The following SPINK14 variants were observed in gnomAD, a reference collection of about 807,000 sequenced individuals.
The protein encoded by SPINK14 is serine peptidase inhibitor Kazal type 14 (putative).
SPINK14 carries 6 observed loss-of-function variants against 14.2 expected under a neutral mutation model. The observed-to-expected ratio is 0.42, with a 90% CI of 0.23 to 0.83. The LOEUF (loss-of-function observed/expected upper bound fraction) is 0.83. SPINK14 is among the 40% of genes least tolerant of loss of function. The pLI is 0.28. For synonymous variants in SPINK14, 34 were observed against 36.8 expected (o/e 0.92, Z 0.27); for missense variants, 86 against 108.3 (o/e 0.79, Z 0.91).
chr5:148,175,505 G>A lies in SPINK14; in HGVS notation c.*107G>A. On this transcript the variant is annotated 3_prime_UTR_variant, in exon 5 of 5. Transcript: ENST00000356972. ...CCTTGCATTTGTTCTTCATGACAAA[G>A]AGCTATCACTACTGAGCTTGTAGCA... 3.5e-6 allele frequency: 3 copies of A among 847,476 alleles called. No individual in the cohort carries two copies. Among genetic ancestry groups the A allele is most frequent in the Non-Finnish European group, 5.8e-6 (3 of 519,576 alleles). 52.5% of individuals were successfully genotyped at this position (847,476 alleles called of 1,614,324 possible).
Position 148,174,088 on chromosome 5 carries a change from C to A in SPINK14, c.112-146C>A, listed in dbSNP as rs1222632580. On this transcript the variant is annotated intron_variant, in intron 3 of 4. Transcript: ENST00000356972. Reference sequence around the variant, plus strand: ...TGAACTCCTGGGCTCAAGCAATCCTCCCACCTCAGCCTCCCAAAATGTTGG... The same window carrying A: ...TGAACTCCTGGGCTCAAGCAATCCTACCACCTCAGCCTCCCAAAATGTTGG... The A allele has an allele frequency of 7.4e-5, 32 of 433,338 alleles. 13 individuals are homozygous for A. In the African/African-American group the frequency reaches 9.2e-4, roughly 12 times the overall value. 26.8% of individuals were successfully genotyped at this position (433,338 alleles called of 1,614,324 possible).
intron 3 of SPINK14, among the ~76,000 whole-genome samples, chr5:148,174,014 A>T (rs1331548986): frequency 1.1e-5 from 1 of 91,684 alleles, no homozygotes; most frequent in Admixed American, 1.0e-4. Context: ...CTAATTAAAA[A>T]AAAAAAAACT....
chr5:148,170,213 TAGAG>T (rs577903742), intron 2 of SPINK14, among the ~76,000 whole-genome samples: 2 of 143,236 alleles, frequency 1.4e-5, no homozygotes, highest in East Asian at 4.2e-4. Flanking sequence ...TATATATATA[TAGAG>T]AGAGAGAGTC....
chr5:148,175,510 A>G lies in SPINK14; in HGVS notation c.*112A>G, dbSNP rs1581130799. 9 of 800,948 alleles carry G rather than the reference A, an allele frequency of 1.1e-5. No homozygotes were observed. In the East Asian group the frequency reaches 1.9e-4, roughly 17 times the overall value. 49.6% of individuals were successfully genotyped at this position (800,948 alleles called of 1,614,324 possible). A position where few individuals can be genotyped will look rare whatever the true frequency, so the allele number is the denominator to read the frequency against. On this transcript the variant is annotated 3_prime_UTR_variant, in exon 5 of 5. Transcript: ENST00000356972. ...CATTTGTTCTTCATGACAAAGAGCT[A>G]TCACTACTGAGCTTGTAGCAGATTG...
At chr5:148,172,307 G>T (rs958192408) in intron 3 of SPINK14, among the ~76,000 whole-genome samples, 1 of 152,132 alleles carries the variant, frequency 6.6e-6, no homozygotes, top group African/African-American at 2.4e-5. Context: ...CTGGAGCACA[G>T]ACAGGGAAGA....
intron 3 of SPINK14, among the ~76,000 whole-genome samples, chr5:148,171,392 A>C (rs1283119582): frequency 6.6e-6 from 1 of 152,176 alleles, no homozygotes; most frequent in Non-Finnish European, 1.5e-5. Flanking sequence ...TGAATGCAGA[A>C]GGCAACTTCT....
chr5:148,168,792 T>C (rs902251232), intron 1 of SPINK14, among the ~76,000 whole-genome samples: 7 of 152,106 alleles, frequency 4.6e-5, no homozygotes, highest in Admixed American at 6.6e-5. Context: ...CTTGCAATCA[T>C]CCTGAGAGTA....
At chr5:148,169,035 C>G (rs1471363669) in intron 1 of SPINK14, among the ~76,000 whole-genome samples, 2 of 152,086 alleles carry the variant, frequency 1.3e-5, no homozygotes, top group African/African-American at 4.8e-5. Context: ...AGAAATGTTG[C>G]TACAAGGAAA....
chr5:148,171,203 G>C (rs940869667), intron 3 of SPINK14, among the ~76,000 whole-genome samples: 21 of 152,110 alleles, frequency 1.4e-4, no homozygotes, highest in African/African-American at 5.1e-4. Flanking sequence ...CCTCTTTAGT[G>C]CCTGAGAAAT....
At chr5:148,169,042 G>A (rs1178079087) in intron 1 of SPINK14, among the ~76,000 whole-genome samples, 2 of 152,076 alleles carry the variant, frequency 1.3e-5, no homozygotes, top group East Asian at 3.9e-4. Flanking sequence ...TTGCTACAAG[G>A]AAAGTCCATC....
chr5:148,173,788 C>T lies in SPINK14; in HGVS notation c.112-446C>T, dbSNP rs1755137093. 4.3e-5 allele frequency among the ~76,000 whole-genome samples: 4 copies of T among 93,870 alleles called. 1 individual carries two copies. The allele number at this position is 93,870 out of a possible 152,430, so 61.6% of individuals were successfully genotyped here. ...AATGGGATATATATAGGTTCTAGTTCCATGGCTTTGTGGAGATGGGAAAGA... is the reference window on the plus strand; with the variant it reads ...AATGGGATATATATAGGTTCTAGTTTCATGGCTTTGTGGAGATGGGAAAGA... On this transcript the variant is annotated intron_variant, in intron 3 of 4. Transcript: ENST00000356972.
At chr5:148,171,003 C>G in intron 3 of SPINK14, 30 bp downstream of exon 3, 1 of 1,600,912 alleles carries the variant, frequency 6.2e-7, no homozygotes, top group Non-Finnish European at 8.5e-7. Context: ...CCCCCCAGGA[C>G]TTACATTATA....
intron 3 of SPINK14, among the ~76,000 whole-genome samples, chr5:148,172,212 C>T (rs1755114411): frequency 6.6e-6 from 1 of 152,076 alleles, no homozygotes. Context: ...TAAGGTGAGA[C>T]TTGAAGGATA....
chr5:148,170,887 T>C, intron 2 of SPINK14, 43 bp from the exon 3 acceptor site: 3 of 1,558,774 alleles, frequency 1.9e-6, no homozygotes, highest in Non-Finnish European at 2.7e-6. Flanking sequence ...AGCTATGATT[T>C]AACAGGAATT....
intron 2 of SPINK14, 64 bp from the exon 3 acceptor site, chr5:148,170,866 C>T (rs368626991): frequency 1.2e-4 from 165 of 1,417,840 alleles, no homozygotes; most frequent in Non-Finnish European, 1.6e-4. Context: ...GTTTATTCTG[C>T]CAACAGATTA....
chr5:148,170,189 C>CACAT (rs1419872610), intron 2 of SPINK14, among the ~76,000 whole-genome samples: 2 of 146,180 alleles, frequency 1.4e-5, no homozygotes, highest in Non-Finnish European at 3.0e-5. Flanking sequence ...CACACACACA[C>CACAT]ACACACATAC....
intron 2 of SPINK14, among the ~76,000 whole-genome samples, chr5:148,170,447 C>G (rs767890966): frequency 4.6e-5 from 7 of 152,020 alleles, no homozygotes; most frequent in Admixed American, 6.6e-5. Flanking sequence ...GTGCCCTCTT[C>G]TAGAGAAGAA....
At chr5:148,171,103 G>T in intron 3 of SPINK14, 130 bp downstream of exon 3, 1 of 816,276 alleles carries the variant, frequency 1.2e-6, no homozygotes, top group Middle Eastern at 2.3e-4. Flanking sequence ...TTTGTACGAG[G>T]GTGGTGGATA....
intron 2 of SPINK14, 111 bp from the exon 3 acceptor site, chr5:148,170,819 C>A (rs1465452441): frequency 7.9e-6 from 7 of 890,216 alleles, no homozygotes; most frequent in Non-Finnish European, 1.2e-5. Flanking sequence ...TAATGTTTTC[C>A]ATTGCTGAAA....
Sources: allele counts gnomAD v4.1 joint callset (sites outside exome capture counted in the v4.1 genomes callset), GRCh38; gene constraint gnomAD v4.1.1; transcripts MANE v1.5; gene names NCBI Gene and HGNC (gene_info 2026-07-23, HGNC 2026-07-21).